ANO2: variants seen among roughly 807,000 people sequenced by gnomAD.
The protein encoded by ANO2 is anoctamin-2.
Under a neutral mutation model 124.2 loss-of-function variants are expected in ANO2, and 101 were observed. That is an observed-to-expected ratio of 0.81 (90% CI 0.69 to 0.96). The LOEUF is 0.96. ANO2 is among the 40% of genes least tolerant of loss of function. The pLI is 0.00. For missense variants in ANO2, 1,293 were observed against 1,274.5 expected (o/e 1.01, Z -0.22); for synonymous variants, 486 against 482.5 (o/e 1.01, Z -0.09).
At chr12:5,810,235 G>A (rs548595102) in intron 7 of ANO2, among the ~76,000 whole-genome samples, 2 of 152,228 alleles carry the variant, frequency 1.3e-5, no homozygotes, top group African/African-American at 4.8e-5. Context: ...GGGCAGGAGA[G>A]GCATGTTGAA....
intron 14 of ANO2, among the ~76,000 whole-genome samples, chr12:5,654,671 G>A (rs749388182): frequency 2.0e-5 from 3 of 152,126 alleles, no homozygotes; most frequent in Non-Finnish European, 4.4e-5. Context: ...GCTCTTCAAT[G>A]TCCTAATGTC....
intron 7 of ANO2, among the ~76,000 whole-genome samples, chr12:5,818,212 C>A (rs1953670012): frequency 2.7e-5 from 1 of 37,550 alleles, no homozygotes; most frequent in Non-Finnish European, 8.4e-5. Context: ...AAAGGCAGAC[C>A]CACCGTTTAA....
chr12:5,686,137 GAGAACAGTAA>G (rs1450200076), intron 14 of ANO2, among the ~76,000 whole-genome samples: 9 of 152,206 alleles, frequency 5.9e-5, no homozygotes, highest in Admixed American at 1.3e-4. Context: ...GGTAGCTCTC[GAGAACAGTAA>G]AGTCCCCTTC....
At chr12:5,730,235 G>A (rs183252358) in intron 14 of ANO2, among the ~76,000 whole-genome samples, 37 of 151,564 alleles carry the variant, frequency 2.4e-4, no homozygotes, top group African/African-American at 6.0e-4. Flanking sequence ...GAATTTTAGT[G>A]TATAAAATTA....
Position 5,692,259 on chromosome 12 carries a change from T to C in ANO2, c.1545+40261A>G, listed in dbSNP as rs116166613. 3.3e-3 allele frequency among the ~76,000 whole-genome samples: 496 copies of C among 152,220 alleles called. 1 individual carries two copies. Among genetic ancestry groups the C allele is most frequent in the African/African-American group, 0.011 (472 of 41,536 alleles). The stretch of plus-strand genomic sequence containing the variant: ...AGAGTTAAAGGCACTTACCAGTGGA[T>C]TAACTATGGGGTTTGAGGGAACACA... On this transcript the variant is annotated intron_variant, in intron 14 of 24. Coordinates refer to ENST00000682330, the MANE Select transcript of ANO2 (RefSeq NM_001364791.2).
chr12:5,806,125 A>T (rs1203387753), intron 8 of ANO2, 32 bp from the exon 9 acceptor site: 2 of 1,602,532 alleles, frequency 1.2e-6, no homozygotes, highest in Admixed American at 3.4e-5. Context: ...GGATAAAGCC[A>T]ATGAAATTAC....
chr12:5,728,146 G>A (rs1372824440), intron 14 of ANO2, among the ~76,000 whole-genome samples: 1 of 152,096 alleles, frequency 6.6e-6, no homozygotes, highest in Non-Finnish European at 1.5e-5. Flanking sequence ...ATTCCAATCA[G>A]GGCAATTAGG....
chr12:5,822,904 G>A (rs972680105), intron 7 of ANO2, among the ~76,000 whole-genome samples: 16 of 152,314 alleles, frequency 1.1e-4, no homozygotes, highest in Non-Finnish European at 7.3e-5. Context: ...CATGGCAGTG[G>A]CAAGAGGGCA....
intron 14 of ANO2, among the ~76,000 whole-genome samples, chr12:5,730,644 G>A (rs571871311): frequency 3.3e-5 from 5 of 152,278 alleles, no homozygotes; most frequent in East Asian, 3.9e-4. Context: ...AATGCTATGC[G>A]GTGGGTATTG....
intron 11 of ANO2, among the ~76,000 whole-genome samples, chr12:5,746,930 TAGAGAC>T (rs1464370111): frequency 1.3e-5 from 2 of 152,208 alleles, no homozygotes; most frequent in Admixed American, 6.5e-5. Context: ...CCTTGGTGAG[TAGAGAC>T]AGGGAAGTTC....
At chr12:5,867,546 A>G (rs1955458675) in intron 3 of ANO2, among the ~76,000 whole-genome samples, 1 of 152,140 alleles carries the variant, frequency 6.6e-6, no homozygotes, top group Admixed American at 6.5e-5. Flanking sequence ...TGAAGTTGAA[A>G]ATTACTGTGC....
chr12:5,894,094 C>T (rs894330071), intron 3 of ANO2, among the ~76,000 whole-genome samples: 4 of 152,174 alleles, frequency 2.6e-5, no homozygotes, highest in Non-Finnish European at 5.9e-5. Flanking sequence ...AAGTAATTTA[C>T]ACTCCCACCA....
chr12:5,759,956 T>A (rs2137105589), intron 10 of ANO2, among the ~76,000 whole-genome samples: 1 of 114,578 alleles, frequency 8.7e-6, no homozygotes, highest in South Asian at 2.8e-4. Flanking sequence ...TCAGTAGAAA[T>A]TTGGATCTAC....
intron 3 of ANO2, among the ~76,000 whole-genome samples, chr12:5,891,460 G>C (rs750570515): frequency 4.6e-5 from 7 of 152,182 alleles, no homozygotes; most frequent in Non-Finnish European, 1.0e-4. Context: ...AGGAGGGTAA[G>C]TAGATTCCAA....
Position 5,922,790 on chromosome 12 carries a change from G to T in ANO2, c.37C>A (p.Pro13Thr). The T allele has an allele frequency of 6.6e-7, 1 of 1,524,294 alleles. No individual in the cohort carries two copies. The allele number at this position is 1,524,294 out of a possible 1,614,324, so 94.4% of individuals were successfully genotyped here. Residue 13 changes from proline (P) to threonine (T), a missense_variant, in exon 2 of 25, where the codon CCT (proline) becomes ACT (threonine). By Grantham distance (38) the Pro-to-Thr change is conservative. Coordinates refer to ENST00000682330, the MANE Select transcript of ANO2 (RefSeq NM_001364791.2). ...GGGCTCAGCCGGCGTGGGGAGCCAG[G>T]GAGCAGGGGTATATCTGTGAGAGGG... ...TPGPRDIPLL[P>T]GSPRRLSPQA...
chr12:5,868,948 T>C (rs576128259), intron 3 of ANO2, among the ~76,000 whole-genome samples: 4 of 152,242 alleles, frequency 2.6e-5, no homozygotes, highest in East Asian at 1.9e-4. Flanking sequence ...TGAGATTCAA[T>C]GCAGAAGAAT....
intron 14 of ANO2, among the ~76,000 whole-genome samples, chr12:5,702,527 A>G (rs1239478261): frequency 6.6e-6 from 1 of 152,032 alleles, no homozygotes; most frequent in Non-Finnish European, 1.5e-5. Flanking sequence ...CACATGGCCA[A>G]CAAACATGGA....
At chr12:5,757,026 A>G (rs1453254603) in intron 10 of ANO2, among the ~76,000 whole-genome samples, 12 of 152,232 alleles carry the variant, frequency 7.9e-5, no homozygotes, top group Admixed American at 4.6e-4. Flanking sequence ...TTCCAGGCCC[A>G]TGGCTGGTGG....
chr12:5,920,707 A>G (rs1941648452), intron 3 of ANO2, among the ~76,000 whole-genome samples: 1 of 152,056 alleles, frequency 6.6e-6, no homozygotes, highest in African/African-American at 2.4e-5. Context: ...CTACTAAAAA[A>G]ATACAAAAAA....
Sources: gnomAD v4.1 joint callset for allele counts (sites outside exome capture counted in the v4.1 genomes callset) on GRCh38, gnomAD v4.1.1 for gene constraint, MANE v1.5 for transcripts, NCBI Gene and HGNC (gene_info 2026-07-23, HGNC 2026-07-21) for gene names.